The following DCAF6 variants were observed in gnomAD, a reference collection of about 807,000 sequenced individuals.
The protein encoded by DCAF6 is DDB1- and CUL4-associated factor 6.
Under a neutral mutation model 125.1 loss-of-function variants are expected in DCAF6, and 54 were observed. That is an observed-to-expected ratio of 0.43 (90% CI 0.35 to 0.54). DCAF6 has a LOEUF of 0.54. DCAF6 is among the 20% of genes least tolerant of loss of function. The probability of loss-of-function intolerance (pLI) is 0.01; values close to 1 mark genes in which losing one functional copy is unlikely to be tolerated. For missense variants in DCAF6, 934 were observed against 1,161.7 expected, an observed-to-expected ratio of 0.80 and a Z score of 2.85; for synonymous variants, 371 against 390.4, an observed-to-expected ratio of 0.95 and a Z score of 0.58.
intron 11 of DCAF6, among the ~76,000 whole-genome samples, chr1:168,019,330 G>C (rs1685385623): frequency 6.6e-6 from 1 of 152,164 alleles, no homozygotes; most frequent in African/African-American, 2.4e-5. Flanking sequence ...TTACAGGTGT[G>C]AACCACCATG....
chr1:167,899,193 C>T, the DCAF6 span, among the ~76,000 whole-genome samples: 3 of 152,284 alleles, frequency 2.0e-5, no homozygotes, highest in Middle Eastern at 3.4e-3. Flanking sequence ...AATTCCATAT[C>T]CTCAGTTACC....
At chr1:167,905,478 G>C in the DCAF6 span, among the ~76,000 whole-genome samples, 1 of 152,320 alleles carries the variant, frequency 6.6e-6, no homozygotes, top group African/African-American at 2.4e-5. Flanking sequence ...GGCCCTCGCA[G>C]GGCAAGTCCA....
rs201324090 is a variant in DCAF6 at position 168,002,567 on chromosome 1, A to G, written c.989A>G (p.Glu330Gly). The G allele has an allele frequency of 6.2e-7, 1 of 1,612,514 alleles. No homozygotes were observed. Among genetic ancestry groups the G allele is most frequent in the Non-Finnish European group, 8.5e-7 (1 of 1,178,840 alleles). Residue 330 changes from glutamate to glycine, a missense_variant, in exon 8 of 22, where the codon GAA becomes GGA. Transcript: ENST00000367840. Reference protein sequence around the residue: ...GPRARPESERERDGEQSPNVS... With the variant: ...GPRARPESERGRDGEQSPNVS... ...AGAGCAAGGCCGGAGAGTGAACGAGAACGAGATGGTAACTATACTTTGGTC... is the reference window on the plus strand; with the variant it reads ...AGAGCAAGGCCGGAGAGTGAACGAGGACGAGATGGTAACTATACTTTGGTC...
chr1:167,989,742 G>A (rs563873975), intron 5 of DCAF6, among the ~76,000 whole-genome samples: 39 of 152,150 alleles, frequency 2.6e-4, no homozygotes, highest in African/African-American at 8.7e-4. Context: ...ATAGCCAGGC[G>A]TGGTGGCACA....
upstream of DCAF6, among the ~76,000 whole-genome samples, chr1:167,933,779 C>A (rs187276062): frequency 4.5e-4 from 68 of 152,322 alleles, no homozygotes; most frequent in Non-Finnish European, 8.5e-4. Context: ...TCCATTTCTA[C>A]ACTGGTGTGC....
At chr1:167,948,562 AATTT>A in intron 1 of DCAF6, among the ~76,000 whole-genome samples, 1 of 152,320 alleles carries the variant, frequency 6.6e-6, no homozygotes, top group Non-Finnish European at 1.5e-5. Flanking sequence ...ACAAAGTTGT[AATTT>A]ATTTAATGGT....
intron 21 of DCAF6, among the ~76,000 whole-genome samples, chr1:168,070,449 G>A (rs148010469): frequency 2.4e-4 from 36 of 152,170 alleles, no homozygotes; most frequent in African/African-American, 8.7e-4. Context: ...AGTACCTCTC[G>A]GCTCATCCAT....
At chr1:168,068,171 C>A (rs1458948239) in intron 20 of DCAF6, among the ~76,000 whole-genome samples, 187 bp from the exon 21 acceptor site, 2 of 152,124 alleles carry the variant, frequency 1.3e-5, no homozygotes. Context: ...GACCTTCCTC[C>A]TTTAAATACA....
chr1:167,891,671 A>C, the DCAF6 span, among the ~76,000 whole-genome samples: 1 of 150,626 alleles, frequency 6.6e-6, no homozygotes, highest in African/African-American at 2.5e-5. Context: ...AAAAAAAAAA[A>C]GAAAGAAAGG....
At chr1:167,914,314 G>A in the DCAF6 span, 1 of 152,164 alleles carries the variant, frequency 6.6e-6, no homozygotes, top group African/African-American at 2.4e-5. Context: ...CAAGGGTCAG[G>A]GGAGACTGAC....
chr1:168,020,535 A>T (rs1341840366), intron 11 of DCAF6, among the ~76,000 whole-genome samples: 1 of 152,186 alleles, frequency 6.6e-6, no homozygotes, highest in Admixed American at 6.5e-5. Flanking sequence ...CTTAAAAAAA[A>T]GTTACAATTC....
intron 3 of DCAF6, among the ~76,000 whole-genome samples, chr1:167,971,022 T>C (rs917225515): frequency 3.3e-5 from 5 of 152,166 alleles, no homozygotes; most frequent in African/African-American, 1.2e-4. Flanking sequence ...ATATACTGTA[T>C]ACATGATTTT....
chr1:168,044,493 C>T, intron 14 of DCAF6, 92 bp from the exon 15 acceptor site: 1 of 805,644 alleles, frequency 1.2e-6, no homozygotes, highest in Non-Finnish European at 2.2e-6. Flanking sequence ...ATATGAGGGA[C>T]TTGAGGAGCT....
chr1:167,969,063 A>G, intron 3 of DCAF6: 1 of 152,044 alleles, frequency 6.6e-6, no homozygotes, highest in Non-Finnish European at 1.5e-5. Context: ...TTTTTTTACC[A>G]TTCTGACCAA....
Position 167,974,948 on chromosome 1 carries a change from A to C in DCAF6, c.371A>C (p.Asn124Thr). Residue 124 changes from asparagine (N) to threonine (T), a missense_variant, in exon 4 of 22, where the codon AAC becomes ACC. Asn to Thr is a moderately conservative substitution (Grantham distance 65, BLOSUM62 0). Around this residue, in one of 5 missense-constraint regions of DCAF6, gnomAD observed 309 missense variants for 381.2 expected, o/e 0.81. Transcript: ENST00000367840. ...CSGDGVIFYT[N>T]VEQDAETNRQ... ...GGAGATGGAGTAATATTTTATACCAACGTTGAGCAAGATGCAGAAACCAAC... is the reference window on the plus strand; with the variant it reads ...GGAGATGGAGTAATATTTTATACCACCGTTGAGCAAGATGCAGAAACCAAC... The C allele has an allele frequency of 6.2e-7, 1 of 1,609,342 alleles. No homozygotes were observed. Among genetic ancestry groups the C allele is most frequent in the Non-Finnish European group, 8.5e-7 (1 of 1,177,848 alleles).
At chr1:168,046,198 A>G (rs1224077238) in intron 16 of DCAF6, among the ~76,000 whole-genome samples, 1 of 152,128 alleles carries the variant, frequency 6.6e-6, no homozygotes, top group Non-Finnish European at 1.5e-5. Context: ...TTTCTTATCT[A>G]TAAAATAGGG....
At chr1:167,949,865 G>A (rs902417950) in intron 1 of DCAF6, among the ~76,000 whole-genome samples, 5 of 152,038 alleles carry the variant, frequency 3.3e-5, no homozygotes, top group Non-Finnish European at 7.4e-5. Context: ...TCTATTTCTT[G>A]GTATTACATT....
chr1:168,073,972 C>CATATTTATAA (rs1176470210), intron 21 of DCAF6, among the ~76,000 whole-genome samples: 1 of 143,712 alleles, frequency 7.0e-6, no homozygotes, highest in East Asian at 2.1e-4. Context: ...GTATTGAATA[C>CATATTTATAA]ATATTTATAA....
intron 17 of DCAF6, among the ~76,000 whole-genome samples, chr1:168,061,993 G>A (rs187824938): frequency 7.9e-5 from 12 of 152,092 alleles, no homozygotes; most frequent in Admixed American, 5.9e-4. Flanking sequence ...AATCAAAAAT[G>A]TCGACAACCC....
Sources: allele counts gnomAD v4.1 joint callset (sites outside exome capture counted in the v4.1 genomes callset), GRCh38; gene constraint gnomAD v4.1.1; regional missense constraint gnomAD v4.1.1; transcripts MANE v1.5; gene names NCBI Gene and HGNC (gene_info 2026-07-23, HGNC 2026-07-21).